Variants in HAUS6 observed in about 807,000 individuals in gnomAD.
HAUS6 encodes the protein HAUS augmin-like complex subunit 6.
Under a neutral mutation model 106.8 loss-of-function variants are expected in HAUS6, and 80 were observed. That is an observed-to-expected ratio of 0.75 (90% confidence interval 0.63 to 0.90). HAUS6 has a LOEUF of 0.90. HAUS6 is among the 40% of genes least tolerant of loss of function. HAUS6 has a pLI of 0.00. For synonymous variants in HAUS6, 356 were observed against 379.1 expected, an observed-to-expected ratio of 0.94 and a Z score of 0.71; for missense variants, 1,155 against 1,118.1, an observed-to-expected ratio of 1.03 and a Z score of -0.47.
chr9:19,061,742 G>C (rs1172286211), intron 14 of HAUS6, among the ~76,000 whole-genome samples: 2 of 152,190 alleles, frequency 1.3e-5, no homozygotes, highest in African/African-American at 4.8e-5. Flanking sequence ...GGCTGAGGTG[G>C]AAGGATCCCT....
intron 6 of HAUS6, 34 bp from the exon 7 acceptor site, chr9:19,086,816 T>G: frequency 1.2e-6 from 1 of 864,578 alleles, no homozygotes; most frequent in Non-Finnish European, 1.9e-6. Flanking sequence ...TTAGTCATAT[T>G]AAAAATCACA....
At position 19,058,118 on chromosome 9, in the gene HAUS6, G is replaced by A. The variant is rs139442082; in HGVS notation, c.2649C>T (p.Asp883=). Residue 883 remains aspartate (D), a synonymous_variant, in exon 16 of 17, where the codon GAC becomes GAT. Transcript: ENST00000380502. ...VQTDDTLNFL[D]TCDLHTEHIK... ...TATGCTCAGTATGCAAATCACAGGT[G>A]TCCAAAAAGTTAAGCGTATCATCTG... 5 of 1,613,972 alleles carry A rather than the reference G, an allele frequency of 3.1e-6. No homozygotes were observed. In the African/African-American group the frequency reaches 6.7e-5, roughly 22 times the overall value.
rs1588622973 is a variant in HAUS6 at position 19,089,567 on chromosome 9, G to A, written c.437-8C>T. 1.2e-6 allele frequency: 2 copies of A among 1,601,616 alleles called. No individual in the cohort carries two copies. The highest frequency in any genetic ancestry group is 2.2e-5 in the East Asian group (1 of 44,772). ...CAAAATGATGAGAAGAATCTACACA[G>A]AACACAAATAAGATTATAGAAAACA... On this transcript the variant is annotated splice_region_variant and splice_polypyrimidine_tract_variant and intron_variant, in intron 4 of 16. Transcript: ENST00000380502.
Position 19,082,818 on chromosome 9 carries a change from ATACAAT to A in HAUS6, c.870+49_870+54del, listed in dbSNP as rs1218792922. 14 of 873,332 alleles carry A rather than the reference ATACAAT, an allele frequency of 1.6e-5. No individual in the cohort carries two copies. The Admixed American group carries it at 4.0e-4, about 25-fold the overall frequency. 54.1% of individuals were successfully genotyped at this position (873,332 alleles called of 1,614,324 possible). On this transcript the variant is annotated intron_variant, in intron 8 of 16. Coordinates refer to ENST00000380502, the MANE Select transcript of HAUS6 (RefSeq NM_017645.5). ...AAGCAGAAGAACATTGCAAGAAAAT[ATACAAT>A]TACATGATAGGAGTTTTCTCAAAAG...
rs1182403500 is a variant in HAUS6 at position 19,099,049 on chromosome 9, T to C, written c.129-2280A>G. 8.9e-5 allele frequency among the ~76,000 whole-genome samples: 13 copies of C among 146,492 alleles called. No individual in the cohort carries two copies. In the East Asian group the frequency reaches 1.2e-3, roughly 13 times the overall value. ...AAAAAAAAAAAGAAAAAAAGAAAAGTGGTCATACCACTACAGGGTCATAGA... is the reference window on the plus strand; with the variant it reads ...AAAAAAAAAAAGAAAAAAAGAAAAGCGGTCATACCACTACAGGGTCATAGA... On this transcript the variant is annotated intron_variant, in intron 1 of 16. Coordinates refer to ENST00000380502, the MANE Select transcript of HAUS6 (RefSeq NM_017645.5).
Position 19,058,098 on chromosome 9 carries a change from T to C in HAUS6, c.2669A>G (p.Glu890Gly). ...NFLDTCDLHT[E>G]HIKPSLRTSI... ...CGTGCGTAAAGATGGCTTTATATGC[T>C]CAGTATGCAAATCACAGGTGTCCAA... The change falls in exon 16 of 17, where the codon GAG (glutamate) becomes GGG (glycine). Residue 890 changes from glutamate (E) to glycine (G), a missense_variant. Transcript: ENST00000380502. 6.2e-7 allele frequency: 1 copy of C among 1,614,130 alleles called. No individual in the cohort carries two copies. Among genetic ancestry groups the C allele is most frequent in the Non-Finnish European group, 8.5e-7 (1 of 1,179,994 alleles).
chr9:19,080,038 G>C (rs561384949), intron 9 of HAUS6, among the ~76,000 whole-genome samples: 1 of 150,848 alleles, frequency 6.6e-6, no homozygotes, highest in Non-Finnish European at 1.5e-5. Flanking sequence ...GCCAGGCGTG[G>C]TGGCACATGC....
At chr9:19,095,064 T>C (rs1817832035) in intron 2 of HAUS6, among the ~76,000 whole-genome samples, 1 of 151,548 alleles carries the variant, frequency 6.6e-6, no homozygotes, top group African/African-American at 2.4e-5. Flanking sequence ...GAAATAGTAA[T>C]CTTGCCAGAG....
chr9:19,056,527 T>C, intron 16 of HAUS6, 123 bp from the exon 17 acceptor site: 1 of 622,482 alleles, frequency 1.6e-6, no homozygotes, highest in Non-Finnish European at 2.9e-6. Context: ...TACTTGATTA[T>C]GATAAAATTA....
intron 6 of HAUS6, 62 bp downstream of exon 6, chr9:19,087,029 C>T: frequency 1.3e-6 from 1 of 797,322 alleles, no homozygotes; most frequent in Non-Finnish European, 2.2e-6. Context: ...TGTTTCCTAG[C>T]CTGTAAAATG....
At chr9:19,079,776 G>A (rs1837097043) in intron 9 of HAUS6, among the ~76,000 whole-genome samples, 1 of 151,618 alleles carries the variant, frequency 6.6e-6, no homozygotes, top group South Asian at 2.1e-4. Flanking sequence ...GATGGCGCGT[G>A]CCTGTAATCT....
chr9:19,073,843 A>C (rs1175697169), intron 11 of HAUS6: 1 of 152,192 alleles, frequency 6.6e-6, no homozygotes, highest in African/African-American at 2.4e-5. Context: ...ACAGGGTCTC[A>C]TGCTCACTTC....
chr9:19,102,479 C>T (rs965417095), intron 1 of HAUS6, 45 bp downstream of exon 1: 2 of 1,594,890 alleles, frequency 1.3e-6, no homozygotes, highest in African/African-American at 1.3e-5. Context: ...CCCCCGGCGT[C>T]CCCCGGTTCA....
At chr9:19,061,661 C>T (rs2171954) in intron 14 of HAUS6, among the ~76,000 whole-genome samples, 61,209 of 151,816 alleles carry the variant, frequency 0.4, 13,855 homozygotes, top group African/African-American at 0.63. Context: ...AGAGTGAGTT[C>T]CCAACTCTAC....
At chr9:19,092,198 T>C (rs1817765208) in intron 4 of HAUS6, among the ~76,000 whole-genome samples, 1 of 151,858 alleles carries the variant, frequency 6.6e-6, no homozygotes, top group African/African-American at 2.4e-5. Context: ...GGCTTATGCA[T>C]GTAATCCCAG....
intron 1 of HAUS6, among the ~76,000 whole-genome samples, chr9:19,101,438 C>T (rs1316746046): frequency 6.6e-6 from 1 of 152,026 alleles, no homozygotes; most frequent in Non-Finnish European, 1.5e-5. Flanking sequence ...CTGCAGTGAG[C>T]TGTGATCGCA....
At chr9:19,093,083 T>G in intron 4 of HAUS6, 88 bp downstream of exon 4, 1 of 947,742 alleles carries the variant, frequency 1.1e-6, no homozygotes, top group Non-Finnish European at 1.6e-6. Flanking sequence ...ACCTTGATTT[T>G]ACTAAGATCT....
Position 19,096,739 on chromosome 9 carries a change from G to C in HAUS6, c.159C>G (p.Ala53=). 6.4e-7 allele frequency: 1 copy of C among 1,562,966 alleles called. No homozygotes were observed. Among genetic ancestry groups the C allele is most frequent in the Non-Finnish European group, 8.7e-7 (1 of 1,149,696 alleles). The change falls in exon 2 of 17, where the codon GCC becomes GCG. Residue 53 remains alanine (A), a synonymous_variant. Coordinates refer to ENST00000380502, the MANE Select transcript of HAUS6 (RefSeq NM_017645.5). The part of the protein sequence containing the change: ...VNMFDKLNRD[A]FHIISYFLFQ... ...ACAAAAAATAAGAAATTATATGAAAGGCATCACGGTTCAGCTTGTCAAACA... is the reference window on the plus strand; with the variant it reads ...ACAAAAAATAAGAAATTATATGAAACGCATCACGGTTCAGCTTGTCAAACA...
chr9:19,101,910 C>G (rs903557465), intron 1 of HAUS6, among the ~76,000 whole-genome samples: 9 of 152,044 alleles, frequency 5.9e-5, no homozygotes, highest in Non-Finnish European at 8.8e-5. Flanking sequence ...CAGAGGGAGA[C>G]TCCATATGAA....
Sources: gnomAD v4.1 joint callset for allele counts (sites outside exome capture counted in the v4.1 genomes callset) on GRCh38, gnomAD v4.1.1 for gene constraint, MANE v1.5 for transcripts, NCBI Gene and HGNC (gene_info 2026-07-23, HGNC 2026-07-21) for gene names.